PPP1R13B: variants seen among roughly 807,000 people sequenced by gnomAD.
PPP1R13B encodes the protein protein phosphatase 1 regulatory subunit 13B.
PPP1R13B carries 44 observed loss-of-function variants against 119.8 expected under a neutral mutation model. The observed-to-expected ratio is 0.37, with a 90% CI of 0.29 to 0.47. The LOEUF (loss-of-function observed/expected upper bound fraction) is 0.47. PPP1R13B is among the 20% of genes least tolerant of loss of function. The probability of loss-of-function intolerance (pLI) is 0.99; values close to 1 mark genes in which losing one functional copy is unlikely to be tolerated. For missense variants in PPP1R13B, 1,227 were observed against 1,413.5 expected (o/e 0.87, Z 2.12); for synonymous variants, 542 against 561.5 (o/e 0.97, Z 0.49).
At chr14:103,766,822 GT>G (rs1190762455) in intron 4 of PPP1R13B, among the ~76,000 whole-genome samples, 3 of 152,044 alleles carry the variant, frequency 2.0e-5, no homozygotes, top group Admixed American at 6.5e-5. Context: ...GGCCAGGATG[GT>G]CTCGATCTCT....
chr14:103,822,886 C>T (rs970244700), intron 1 of PPP1R13B, among the ~76,000 whole-genome samples: 1 of 152,134 alleles, frequency 6.6e-6, no homozygotes, highest in African/African-American at 2.4e-5. Context: ...TTATGACATG[C>T]AAATGAATGA....
At chr14:103,746,298 C>G in intron 9 of PPP1R13B, 75 bp downstream of exon 9, 1 of 184,872 alleles carries the variant, frequency 5.4e-6, no homozygotes, top group Non-Finnish European at 1.2e-5. Flanking sequence ...GCCTGCCCCA[C>G]CCCCCGCCCC....
intron 1 of PPP1R13B, among the ~76,000 whole-genome samples, chr14:103,822,362 T>C (rs2086430789): frequency 6.6e-6 from 1 of 151,874 alleles, no homozygotes; most frequent in Non-Finnish European, 1.5e-5. Flanking sequence ...GTCCAACTCC[T>C]GAACTCAGGT....
At chr14:103,752,780 G>A (rs1254305773) in intron 7 of PPP1R13B, among the ~76,000 whole-genome samples, 3 of 152,074 alleles carry the variant, frequency 2.0e-5, no homozygotes, top group South Asian at 2.1e-4. Context: ...TGATCTGCCC[G>A]CCTCGGCTTC....
intron 4 of PPP1R13B, among the ~76,000 whole-genome samples, chr14:103,769,686 T>C (rs1454699784): frequency 6.6e-6 from 1 of 152,230 alleles, no homozygotes; most frequent in African/African-American, 2.4e-5. Flanking sequence ...TATGAAATCA[T>C]TCCTCTTTGT....
chr14:103,743,507 C>A (rs1321620132), intron 9 of PPP1R13B, among the ~76,000 whole-genome samples: 1 of 152,234 alleles, frequency 6.6e-6, no homozygotes, highest in African/African-American at 2.4e-5. Context: ...CCCCTTGTAA[C>A]ACAAGGCCCC....
intron 1 of PPP1R13B, among the ~76,000 whole-genome samples, chr14:103,810,071 G>A (rs984355174): frequency 2.0e-5 from 3 of 149,054 alleles, no homozygotes; most frequent in East Asian, 4.4e-4. Flanking sequence ...TGATCTGCCC[G>A]CCTTGGCCTC....
chr14:103,739,546 G>A (rs1033353596), intron 12 of PPP1R13B, among the ~76,000 whole-genome samples: 16 of 152,154 alleles, frequency 1.1e-4, no homozygotes, highest in African/African-American at 2.2e-4. Flanking sequence ...AGGTGCCAGC[G>A]ACAGCTCCCC....
rs370404525 is a variant in PPP1R13B, at chr14:103,740,119, T to C, written c.2297A>G (p.Asn766Ser). 503 of 1,613,582 alleles carry C rather than the reference T, an allele frequency of 3.1e-4. 1 individual carries two copies. Among genetic ancestry groups the C allele is most frequent in the Non-Finnish European group, 3.9e-4 (466 of 1,180,024 alleles). The change falls in exon 12 of 17, where the codon AAT becomes AGT. Residue 766 changes from asparagine (N) to serine (S), a missense_variant. Coordinates refer to ENST00000202556, the MANE Select transcript of PPP1R13B (RefSeq NM_015316.3). The surrounding 1 kb of genome is among the most constrained non-coding windows in gnomAD (Gnocchi z 4.6). ...AGGGGGGAGCTCTTCCAGGTTTCCATTGGCATTGGTGTTTCCATTGTCCAC... is the reference window on the plus strand; with the variant it reads ...AGGGGGGAGCTCTTCCAGGTTTCCACTGGCATTGGTGTTTCCATTGTCCAC... Reference protein sequence around the residue: ...ADVDNGNTNANGNLEELPPAQ... With the variant: ...ADVDNGNTNASGNLEELPPAQ...
chr14:103,792,369 G>A (rs1487987982), intron 2 of PPP1R13B, among the ~76,000 whole-genome samples: 1 of 152,004 alleles, frequency 6.6e-6, no homozygotes, highest in African/African-American at 2.4e-5. Flanking sequence ...GTAGAGATGG[G>A]GTTTGGCCAC....
rs1200907226 is a variant in PPP1R13B, at chr14:103,825,573, AT to A, written c.9+21725del. On this transcript the variant is annotated intron_variant, in intron 1 of 16. Transcript: ENST00000202556. ...CTGGATCAATAAAATGAGCTATAAC[AT>A]TCCCTTATGCCAAAGCCTAATCCAG... Among the ~76,000 whole-genome samples the A allele has an allele frequency of 2.6e-5, 4 of 152,228 alleles. No individual in the cohort carries two copies. The East Asian group carries it at 7.7e-4, about 29-fold the overall frequency.
chr14:103,786,302 A>C (rs1259212671), intron 2 of PPP1R13B, among the ~76,000 whole-genome samples: 5 of 152,164 alleles, frequency 3.3e-5, no homozygotes, highest in Admixed American at 2.6e-4. Flanking sequence ...TCAGCCTCCC[A>C]AAGTGCTGGG....
intron 2 of PPP1R13B, among the ~76,000 whole-genome samples, chr14:103,795,520 G>A (rs1179174091): frequency 1.3e-5 from 2 of 152,176 alleles, no homozygotes; most frequent in African/African-American, 4.8e-5. Flanking sequence ...TGACTCGTAT[G>A]AGAGAGACAA....
intron 1 of PPP1R13B, among the ~76,000 whole-genome samples, chr14:103,829,266 A>G (rs8006493): frequency 0.091 from 13,925 of 152,266 alleles, 777 homozygotes; most frequent in African/African-American, 0.16. Flanking sequence ...CTAGTTACCT[A>G]AAGACATCAA....
chr14:103,841,968 C>T lies in PPP1R13B; in HGVS notation c.9+5331G>A, dbSNP rs61995821. ...GCCCGAAGAGACTAAGTCCAAAGGT[C>T]CTCACTAACAAGTAGGAGCAAGAAC... On this transcript the variant is annotated intron_variant, in intron 1 of 16. Transcript: ENST00000202556. 2.7e-3 allele frequency among the ~76,000 whole-genome samples: 418 copies of T among 152,292 alleles called. 2 individuals carry two copies. The highest frequency in any genetic ancestry group is 4.3e-3 in the Non-Finnish European group (295 of 68,026).
At chr14:103,837,913 G>A (rs1191998300) in intron 1 of PPP1R13B, among the ~76,000 whole-genome samples, 7 of 152,150 alleles carry the variant, frequency 4.6e-5, no homozygotes, top group Non-Finnish European at 1.5e-5. Flanking sequence ...GAGGTCAGGA[G>A]TTCAAGACCA....
At chr14:103,747,679 G>A (rs889581204) in intron 8 of PPP1R13B, among the ~76,000 whole-genome samples, 1 of 152,030 alleles carries the variant, frequency 6.6e-6, no homozygotes, top group Non-Finnish European at 1.5e-5. Flanking sequence ...CCCTTTCCCC[G>A]AGTCCCCAAA....
At chr14:103,822,905 A>G (rs1375969527) in intron 1 of PPP1R13B, among the ~76,000 whole-genome samples, 1 of 152,190 alleles carries the variant, frequency 6.6e-6, no homozygotes, top group Non-Finnish European at 1.5e-5. Flanking sequence ...GAGGTAGGTC[A>G]TATCATCCCC....
intron 1 of PPP1R13B, among the ~76,000 whole-genome samples, chr14:103,803,648 T>A (rs916158480): frequency 6.6e-6 from 1 of 150,472 alleles, no homozygotes; most frequent in Non-Finnish European, 1.5e-5. Context: ...GTCTCAAAAA[T>A]AAATAAATAA....
Sources: gnomAD v4.1 joint callset for allele counts (sites outside exome capture counted in the v4.1 genomes callset) on GRCh38, gnomAD v4.1.1 for gene constraint, Gnocchi (gnomAD v3.1) non-coding constraint, MANE v1.5 for transcripts, NCBI Gene and HGNC (gene_info 2026-07-23, HGNC 2026-07-21) for gene names.